The following SGF29 variants were observed in gnomAD, a reference collection of about 807,000 sequenced individuals.
The protein encoded by SGF29 is SAGA complex associated factor 29.
In SGF29, 15 loss-of-function variants were observed where a neutral mutation model predicts 38.1. The observed-to-expected ratio is 0.39, with a 90% confidence interval of 0.26 to 0.61. The LOEUF is 0.61. Among genes scored for constraint, SGF29 ranks in the 20% least tolerant of loss-of-function variants. The probability of loss-of-function intolerance (pLI) is 0.49; values close to 1 mark genes in which losing one functional copy is unlikely to be tolerated. For missense variants in SGF29, 184 were observed against 394.6 expected (o/e 0.47, Z 4.52); for synonymous variants, 151 against 160.8 (o/e 0.94, Z 0.46).
At position 28,591,684 on chromosome 16, in the gene SGF29, G is replaced by T; in HGVS notation, c.860G>T (p.Cys287Phe). 6.2e-7 allele frequency: 1 copy of T among 1,613,694 alleles called. No individual in the cohort carries two copies. Among genetic ancestry groups the T allele is most frequent in the East Asian group, 2.2e-5 (1 of 44,878 alleles). The change falls in exon 10 of 10, where the codon TGT (cysteine) becomes TTT (phenylalanine). Residue 287 changes from cysteine (C) to phenylalanine (F), a missense_variant. By Grantham distance (205) the Cys-to-Phe change is radical. Coordinates refer to ENST00000317058, the MANE Select transcript of SGF29 (RefSeq NM_138414.3). ...LNVAQRYVVA[C>F]KEPKKK ...GTGGCTCAGAGATACGTGGTGGCTTGTAAGGAACCCAAGAAAAAGTGATGC... is the reference window on the plus strand; with the variant it reads ...GTGGCTCAGAGATACGTGGTGGCTTTTAAGGAACCCAAGAAAAAGTGATGC...
At chr16:28,563,805 C>T (rs1278191519) in intron 1 of SGF29, among the ~76,000 whole-genome samples, 1 of 149,098 alleles carries the variant, frequency 6.7e-6, no homozygotes, top group Non-Finnish European at 1.5e-5. Context: ...ACTGCAACCT[C>T]CACCTCCTGG....
chr16:28,591,483 C>T (rs2046990516), intron 9 of SGF29, 107 bp from the exon 10 acceptor site: 1 of 781,132 alleles, frequency 1.3e-6, no homozygotes, highest in Admixed American at 1.8e-5. Flanking sequence ...TTAGGAGTGG[C>T]TGAGAGTCCA....
At position 28,581,068 on chromosome 16, in the gene SGF29, C is replaced by A. The variant is rs777100358; in HGVS notation, c.-2C>A. 2.5e-5 allele frequency: 40 copies of A among 1,613,720 alleles called. No homozygotes were observed. Among genetic ancestry groups the A allele is most frequent in the East Asian group, 1.3e-4 (6 of 44,882 alleles). On this transcript the variant is annotated 5_prime_UTR_variant, in exon 2 of 10. Coordinates refer to ENST00000317058, the MANE Select transcript of SGF29 (RefSeq NM_138414.3). ...CTCCCCCACCAGGTGCCCCTGTAGA[C>A]AATGGCCCTCGTGTCTGCCGATTCC...
chr16:28,560,954 C>T (rs1219175011), intron 1 of SGF29, among the ~76,000 whole-genome samples: 12 of 129,126 alleles, frequency 9.3e-5, no homozygotes, highest in African/African-American at 3.2e-4. Flanking sequence ...GAGCAAGACT[C>T]TGTCTCAAAA....
At chr16:28,589,485 C>T in intron 5 of SGF29, 1 of 322,892 alleles carries the variant, frequency 3.1e-6, no homozygotes, top group South Asian at 3.6e-5. Context: ...CTGGTTTCTG[C>T]AGAGCCACAC....
intron 1 of SGF29, among the ~76,000 whole-genome samples, chr16:28,569,777 C>A (rs2046854262): frequency 6.6e-6 from 1 of 152,134 alleles, no homozygotes; most frequent in Non-Finnish European, 1.5e-5. Flanking sequence ...GAAGGATGAC[C>A]CCGAAGGCAT....
At chr16:28,558,037 A>G (rs1596594673) in intron 1 of SGF29, among the ~76,000 whole-genome samples, 1 of 123,982 alleles carries the variant, frequency 8.1e-6, no homozygotes, top group Non-Finnish European at 1.6e-5. Context: ...CTTGAACTCC[A>G]GGCCTCAAGA....
chr16:28,589,956 G>T (rs925763246), intron 5 of SGF29, 140 bp from the exon 6 acceptor site: 21 of 1,220,098 alleles, frequency 1.7e-5, no homozygotes, highest in Non-Finnish European at 2.3e-5. Context: ...TGGCCGATGG[G>T]GTCACAGTCC....
At chr16:28,557,736 G>A (rs562687699) in intron 1 of SGF29, among the ~76,000 whole-genome samples, 16 of 152,292 alleles carry the variant, frequency 1.1e-4, no homozygotes, top group East Asian at 5.8e-4. Flanking sequence ...GACATCCAGC[G>A]TGTATCCACT....
chr16:28,588,586 T>C (rs1596608694), intron 4 of SGF29: 1 of 429,708 alleles, frequency 2.3e-6, no homozygotes, highest in Non-Finnish European at 4.6e-6. Context: ...TTTTTTGAAA[T>C]GGAGTTTCGT....
chr16:28,569,605 T>C (rs1242209057), intron 1 of SGF29, among the ~76,000 whole-genome samples: 1 of 151,978 alleles, frequency 6.6e-6, no homozygotes, highest in Non-Finnish European at 1.5e-5. Flanking sequence ...TGAGCTGAAA[T>C]TGCACCAGTG....
At chr16:28,579,714 T>G (rs2046914850) in intron 1 of SGF29, among the ~76,000 whole-genome samples, 1 of 151,896 alleles carries the variant, frequency 6.6e-6, no homozygotes, top group African/African-American at 2.4e-5. Context: ...GCAGATCACC[T>G]GAGGTCAGGA....
chr16:28,559,278 C>G (rs892155387), intron 1 of SGF29, among the ~76,000 whole-genome samples: 1 of 152,292 alleles, frequency 6.6e-6, no homozygotes, highest in South Asian at 2.1e-4. Flanking sequence ...TGTAATTACA[C>G]CACTTCACTC....
intron 3 of SGF29, chr16:28,585,404 T>C: frequency 1.7e-6 from 1 of 575,732 alleles, no homozygotes; most frequent in Non-Finnish European, 3.1e-6. Flanking sequence ...TCTGTGAGTG[T>C]CATGATGGAG....
chr16:28,589,436 C>G, intron 5 of SGF29: 1 of 443,744 alleles, frequency 2.3e-6, no homozygotes, highest in South Asian at 2.4e-5. Context: ...GCCAGTCGCC[C>G]CCTCCTCTGC....
At chr16:28,584,214 C>T (rs1287436904) in intron 2 of SGF29, among the ~76,000 whole-genome samples, 1 of 151,444 alleles carries the variant, frequency 6.6e-6, no homozygotes, top group Non-Finnish European at 1.5e-5. Context: ...TGGTCTTGAA[C>T]TCCTGATCTC....
intron 1 of SGF29, among the ~76,000 whole-genome samples, chr16:28,555,337 G>A (rs995260737): frequency 3.3e-5 from 5 of 152,146 alleles, no homozygotes; most frequent in East Asian, 1.9e-4. Flanking sequence ...TTAGCCGGGC[G>A]TGGTGGTGCA....
chr16:28,565,167 A>G (rs1312500574), intron 1 of SGF29, among the ~76,000 whole-genome samples: 1 of 152,152 alleles, frequency 6.6e-6, no homozygotes, highest in Non-Finnish European at 1.5e-5. Flanking sequence ...TGTGCCAGCC[A>G]TGCTGGCAGC....
chr16:28,591,534 T>G (rs1596610676), intron 9 of SGF29, 56 bp from the exon 10 acceptor site: 1 of 1,223,058 alleles, frequency 8.2e-7, no homozygotes, highest in Non-Finnish European at 1.2e-6. Flanking sequence ...GGGAAGGGGG[T>G]GCCTGTCCTG....
Sources: gnomAD v4.1 joint callset for allele counts (sites outside exome capture counted in the v4.1 genomes callset) on GRCh38, gnomAD v4.1.1 for gene constraint, MANE v1.5 for transcripts, NCBI Gene and HGNC (gene_info 2026-07-23, HGNC 2026-07-21) for gene names.